ASAP2: variants seen among roughly 807,000 people sequenced by gnomAD.
ASAP2 encodes arf-GAP with SH3 domain, ANK repeat and PH domain-containing protein 2.
ASAP2 carries 45 observed loss-of-function variants against 131.4 expected under a neutral mutation model. The observed-to-expected ratio is 0.34, with a 90% CI of 0.27 to 0.44. ASAP2 has a LOEUF of 0.44. Among genes scored for constraint, ASAP2 ranks in the 20% least tolerant of loss-of-function variants. ASAP2 has a pLI of 1.00. For synonymous variants in ASAP2, 510 were observed against 503.0 expected (o/e 1.01, Z -0.19); for missense variants, 1,011 against 1,297.0 (o/e 0.78, Z 3.39).
chr2:9,289,026 T>C (rs1476882505), intron 2 of ASAP2, among the ~76,000 whole-genome samples: 2 of 152,194 alleles, frequency 1.3e-5, no homozygotes, highest in African/African-American at 4.8e-5. Context: ...CCCCATAGAG[T>C]GCTGTGTTTC....
At chr2:9,322,502 C>T (rs1304430258) in intron 5 of ASAP2, among the ~76,000 whole-genome samples, 1 of 148,882 alleles carries the variant, frequency 6.7e-6, no homozygotes, top group African/African-American at 2.6e-5. Flanking sequence ...ATTTCAAGCC[C>T]ACCTTAGCAG....
intron 16 of ASAP2, among the ~76,000 whole-genome samples, chr2:9,369,243 T>A (rs1331906948): frequency 6.6e-6 from 1 of 152,222 alleles, no homozygotes; most frequent in Non-Finnish European, 1.5e-5. Context: ...GGACTCGAAC[T>A]CCTGACCTCA....
chr2:9,297,081 C>T (rs949569848), intron 2 of ASAP2, among the ~76,000 whole-genome samples: 1 of 152,176 alleles, frequency 6.6e-6, no homozygotes, highest in Non-Finnish European at 1.5e-5. Flanking sequence ...TGGGCAAGGG[C>T]TTCCCCTCTT....
At chr2:9,321,432 C>T (rs1372238518) in intron 5 of ASAP2, among the ~76,000 whole-genome samples, 1 of 152,148 alleles carries the variant, frequency 6.6e-6, no homozygotes, top group Non-Finnish European at 1.5e-5. Flanking sequence ...TCCATTCAGC[C>T]CAGGGAGGCC....
At position 9,392,207 on chromosome 2, in the gene ASAP2, G is replaced by T. The variant is rs1675783844; in HGVS notation, c.2518+1011G>T. Among the ~76,000 whole-genome samples the T allele has an allele frequency of 6.6e-6, 1 of 152,080 alleles. No individual in the cohort carries two copies. Among genetic ancestry groups the T allele is most frequent in the Non-Finnish European group, 1.5e-5 (1 of 68,032 alleles). On this transcript the variant is annotated intron_variant, in intron 23 of 27. Coordinates refer to ENST00000281419, the MANE Select transcript of ASAP2 (RefSeq NM_003887.3). This position sits in a 1 kb window ranked among gnomAD's most constrained non-coding sequence, Gnocchi z 4.0. ...TGGTTGAAAGTCCTGAAAACCTTGGGTAAAGAAGCGGGAGGAGGTTTTTAG... is the reference window on the plus strand; with the variant it reads ...TGGTTGAAAGTCCTGAAAACCTTGGTTAAAGAAGCGGGAGGAGGTTTTTAG...
intron 20 of ASAP2, among the ~76,000 whole-genome samples, chr2:9,383,886 C>G (rs1197161423): frequency 1.3e-5 from 2 of 152,096 alleles, no homozygotes; most frequent in Non-Finnish European, 2.9e-5. Flanking sequence ...AACTGGAAAC[C>G]ATCATTCTGA....
chr2:9,395,594 C>CCT, intron 24 of ASAP2, among the ~76,000 whole-genome samples: 1 of 59,048 alleles, frequency 1.7e-5, no homozygotes, highest in Non-Finnish European at 3.6e-5. Flanking sequence ...TGTTTTTTTT[C>CCT]TTTTTTTTTT....
chr2:9,388,590 G>A (rs1675482290), intron 22 of ASAP2, 44 bp downstream of exon 22: 2 of 1,573,976 alleles, frequency 1.3e-6, no homozygotes, highest in African/African-American at 2.8e-5. Context: ...AGAGGGTCTT[G>A]TTTTGTGGTT....
intron 3 of ASAP2, among the ~76,000 whole-genome samples, chr2:9,297,783 C>T (rs1251402516): frequency 6.6e-6 from 1 of 152,172 alleles, no homozygotes; most frequent in East Asian, 1.9e-4. Flanking sequence ...TTATAGTAGG[C>T]ATTTAAGCTT....
chr2:9,286,094 A>G (rs1028132554), intron 2 of ASAP2, among the ~76,000 whole-genome samples: 12 of 152,212 alleles, frequency 7.9e-5, no homozygotes, highest in African/African-American at 2.9e-4. Context: ...ATGAAGTTTC[A>G]CTGTGCATTA....
chr2:9,314,421 C>G lies in ASAP2; in HGVS notation c.346-4103C>G, dbSNP rs944309529. On this transcript the variant is annotated intron_variant, in intron 3 of 27. Transcript: ENST00000281419. The stretch of plus-strand genomic sequence containing the variant: ...ATAGAACTAACATTTTATCTGAAGC[C>G]CCTGTAGATTCTGTCTTTCACATAT... Among the ~76,000 whole-genome samples, 3 of 152,094 alleles carry G rather than the reference C, an allele frequency of 2.0e-5. No individual in the cohort carries two copies. In the South Asian group the frequency reaches 6.2e-4, roughly 32 times the overall value.
intron 20 of ASAP2, among the ~76,000 whole-genome samples, chr2:9,383,392 C>T (rs1320719264): frequency 1.3e-5 from 2 of 152,016 alleles, no homozygotes; most frequent in Admixed American, 6.6e-5. Context: ...GTAGCTGAGA[C>T]TACAGATGCA....
intron 9 of ASAP2, chr2:9,336,133 G>T (rs1177893377): frequency 2.0e-5 from 3 of 152,256 alleles, no homozygotes; most frequent in Middle Eastern, 3.4e-3. Flanking sequence ...TATATTAATG[G>T]TTAGTAGCAT....
intron 2 of ASAP2, among the ~76,000 whole-genome samples, chr2:9,283,059 C>T (rs1667237612): frequency 6.6e-6 from 1 of 151,344 alleles, no homozygotes; most frequent in South Asian, 2.1e-4. Flanking sequence ...CTTTGACTCT[C>T]TTGTAATAGA....
chr2:9,267,213 T>C (rs765443714), intron 1 of ASAP2, among the ~76,000 whole-genome samples: 25 of 152,162 alleles, frequency 1.6e-4, no homozygotes, highest in Non-Finnish European at 3.1e-4. Flanking sequence ...TATTGCATGA[T>C]GCTGAGTTTT....
At chr2:9,309,734 G>A (rs1423044428) in intron 3 of ASAP2, among the ~76,000 whole-genome samples, 2 of 152,220 alleles carry the variant, frequency 1.3e-5, no homozygotes, top group Middle Eastern at 3.2e-3. Flanking sequence ...TGGGAATAGT[G>A]TGTATCTGCT....
At chr2:9,395,693 C>T (rs556543014) in intron 24 of ASAP2, among the ~76,000 whole-genome samples, 8 of 141,236 alleles carry the variant, frequency 5.7e-5, no homozygotes, top group East Asian at 4.5e-4. Flanking sequence ...CTGCAAGTTC[C>T]GCTTCCCAGG....
intron 16 of ASAP2, among the ~76,000 whole-genome samples, chr2:9,370,715 TC>T (rs1302055248): frequency 6.6e-6 from 1 of 152,166 alleles, no homozygotes; most frequent in Non-Finnish European, 1.5e-5. Flanking sequence ...TTGCTCTTCT[TC>T]CTGTGGGTGA....
At chr2:9,302,621 C>T (rs935997878) in intron 3 of ASAP2, among the ~76,000 whole-genome samples, 3 of 152,042 alleles carry the variant, frequency 2.0e-5, no homozygotes, top group Non-Finnish European at 4.4e-5. Flanking sequence ...ATTATAGGCG[C>T]GAGCCACCAC....
Sources: gnomAD v4.1 joint callset for allele counts (sites outside exome capture counted in the v4.1 genomes callset) on GRCh38, gnomAD v4.1.1 for gene constraint, Gnocchi (gnomAD v3.1) non-coding constraint, MANE v1.5 for transcripts, NCBI Gene and HGNC (gene_info 2026-07-23, HGNC 2026-07-21) for gene names.